The following ANGPTL2 variants were observed in gnomAD, a reference collection of about 807,000 sequenced individuals.
The protein encoded by ANGPTL2 is angiopoietin like 2, also known as angiopoietin-related protein 2.
In ANGPTL2, 25 loss-of-function variants were observed where a neutral mutation model predicts 52.8. That is an observed-to-expected ratio of 0.47 (90% CI 0.35 to 0.66). The LOEUF is 0.66. Ranked by LOEUF, ANGPTL2 falls within the 30% of genes least tolerant of loss-of-function variation. The pLI is 0.01. For synonymous variants in ANGPTL2, 276 were observed against 277.4 expected (o/e 1.00, Z 0.05); for missense variants, 546 against 656.9 (o/e 0.83, Z 1.84).
intron 2 of ANGPTL2, among the ~76,000 whole-genome samples, chr9:127,104,138 T>G (rs994454896): frequency 6.6e-6 from 1 of 152,180 alleles, no homozygotes; most frequent in Non-Finnish European, 1.5e-5. Context: ...TCTTCTTCAC[T>G]CATTGAGAAA....
intron 1 of ANGPTL2, among the ~76,000 whole-genome samples, chr9:127,121,842 C>T (rs535062395): frequency 6.6e-5 from 10 of 152,284 alleles, no homozygotes; most frequent in African/African-American, 1.2e-4. Context: ...GGGCTCCCAG[C>T]GCCTCAGCAC....
At position 127,108,529 on chromosome 9, in the gene ANGPTL2, G is replaced by A. The variant is rs371076756; in HGVS notation, c.203C>T (p.Ala68Val). 49 of 1,612,916 alleles carry A rather than the reference G, an allele frequency of 3.0e-5. No individual in the cohort carries two copies. The highest frequency in any genetic ancestry group is 4.0e-5 in the Non-Finnish European group (47 of 1,179,746). Residue 68 changes from alanine to valine, a missense_variant, in exon 2 of 5, where the codon GCC (alanine) becomes GTC (valine). Ala to Val is a moderately conservative substitution (Grantham distance 64, BLOSUM62 0). Transcript: ENST00000373425. ...FIVPQQRVTG[A>V]ICVNSKEPEV... Reference sequence around the variant, plus strand: ...AGGCTCCTTGGAGTTGACGCAGATGGCACCCGTGACCCGCTGCTGGGGCAC... The same window carrying A: ...AGGCTCCTTGGAGTTGACGCAGATGACACCCGTGACCCGCTGCTGGGGCAC...
In ANGPTL2 at chr9:127,108,142, A is replaced by T. The variant is rs2054416513; in HGVS notation, c.590T>A (p.Ile197Asn). The T allele has an allele frequency of 6.2e-7, 1 of 1,613,882 alleles. No homozygotes were observed. Among genetic ancestry groups the T allele is most frequent in the Non-Finnish European group, 8.5e-7 (1 of 1,179,976 alleles). Residue 197 changes from isoleucine to asparagine, a missense_variant, in exon 2 of 5, where the codon ATC becomes AAC. This residue lies in a region of ANGPTL2 where 285 missense variants were observed against 295.8 expected (regional missense o/e 0.96). Transcript: ENST00000373425. ...CTGGCAGTGCTCCTCAAGCTGCGCG[A>T]TGATCTCTGATTGGTTGTGGGCCAG... ...ATLAHNQSEI[I>N]AQLEEHCQRV...
At chr9:127,097,956 C>T (rs2053316648) in intron 2 of ANGPTL2, among the ~76,000 whole-genome samples, 1 of 152,172 alleles carries the variant, frequency 6.6e-6, no homozygotes, top group African/African-American at 2.4e-5. Context: ...ATGTCATGAA[C>T]CCAAGAGCGG....
chr9:127,120,162 A>G (rs769715654), intron 1 of ANGPTL2, among the ~76,000 whole-genome samples: 2 of 152,158 alleles, frequency 1.3e-5, no homozygotes, highest in African/African-American at 2.4e-5. Flanking sequence ...AAACCTGACT[A>G]TGGATCCTCC....
intron 2 of ANGPTL2, among the ~76,000 whole-genome samples, chr9:127,094,611 C>G (rs1004145936): frequency 6.6e-6 from 1 of 152,230 alleles, no homozygotes; most frequent in Non-Finnish European, 1.5e-5. Flanking sequence ...TCATTCACTG[C>G]TCTTCAAGTG....
intron 2 of ANGPTL2, among the ~76,000 whole-genome samples, chr9:127,102,063 G>A (rs1174312807): frequency 4.6e-5 from 7 of 152,074 alleles, no homozygotes; most frequent in Non-Finnish European, 5.9e-5. Context: ...GTGGTGATGC[G>A]GGGATAGTAG....
intron 1 of ANGPTL2, among the ~76,000 whole-genome samples, chr9:127,119,523 C>G (rs1173831115): frequency 6.6e-6 from 1 of 152,182 alleles, no homozygotes; most frequent in Admixed American, 6.5e-5. Context: ...TGACTTTGGG[C>G]AAGTTAACCT....
intron 1 of ANGPTL2, among the ~76,000 whole-genome samples, chr9:127,114,488 C>T (rs1296884152): frequency 6.6e-6 from 1 of 152,236 alleles, no homozygotes; most frequent in East Asian, 1.9e-4. Context: ...ACCCTCTAGG[C>T]AGGACGACGA....
At chr9:127,114,710 G>A (rs1382695490) in intron 1 of ANGPTL2, among the ~76,000 whole-genome samples, 3 of 152,242 alleles carry the variant, frequency 2.0e-5, no homozygotes, top group African/African-American at 7.2e-5. Context: ...GCCATAAGAG[G>A]CATCCCAGCA....
At chr9:127,111,589 AG>A (rs1298627503) in intron 1 of ANGPTL2, among the ~76,000 whole-genome samples, 1 of 152,222 alleles carries the variant, frequency 6.6e-6, no homozygotes, top group Non-Finnish European at 1.5e-5. Flanking sequence ...AGCTGCGCAG[AG>A]GAGGGCCTAT....
chr9:127,088,118 A>G lies in ANGPTL2; in HGVS notation c.*821T>C, dbSNP rs1379048448. The G allele has an allele frequency of 6.6e-6, 1 of 152,542 alleles. No homozygotes were observed. The highest frequency in any genetic ancestry group is 1.5e-5 in the Non-Finnish European group (1 of 68,066). 9.4% of individuals were successfully genotyped at this position (152,542 alleles called of 1,614,324 possible). A position where few individuals can be genotyped will look rare whatever the true frequency, so the allele number is the denominator to read the frequency against. Reference sequence around the variant, plus strand: ...TAGGCGAGGAGTACAGCAGAGCGGAAAGGGGGCCTTGAACTGCAGTGAGTG... The same window carrying G: ...TAGGCGAGGAGTACAGCAGAGCGGAGAGGGGGCCTTGAACTGCAGTGAGTG... On this transcript the variant is annotated 3_prime_UTR_variant, in exon 5 of 5. Coordinates refer to ENST00000373425, the MANE Select transcript of ANGPTL2 (RefSeq NM_012098.3).
At position 127,108,776 on chromosome 9, in the gene ANGPTL2, A is replaced by C; in HGVS notation, c.-45T>G. ...TTATTCTTTGTGAATAGAATCTATG[A>C]AAGCCTGAAAGTAAACAGAGGGGAG... On this transcript the variant is annotated 5_prime_UTR_variant, in exon 2 of 5. Coordinates refer to ENST00000373425, the MANE Select transcript of ANGPTL2 (RefSeq NM_012098.3). 6.5e-7 allele frequency: 1 copy of C among 1,544,092 alleles called. No individual in the cohort carries two copies. The highest frequency in any genetic ancestry group is 8.7e-7 in the Non-Finnish European group (1 of 1,143,148).
In ANGPTL2 at chr9:127,091,636, A is replaced by G; in HGVS notation, c.1282+34T>C. 1 of 1,601,120 alleles carries G rather than the reference A, an allele frequency of 6.2e-7. No individual in the cohort carries two copies. The highest frequency in any genetic ancestry group is 8.5e-7 in the Non-Finnish European group (1 of 1,172,660). ...TGGCTCTGGTTGACCTCTTTTCCCTACCCTGCACCTGGGTTTGACTCCACT... is the reference window on the plus strand; with the variant it reads ...TGGCTCTGGTTGACCTCTTTTCCCTGCCCTGCACCTGGGTTTGACTCCACT... On this transcript the variant is annotated intron_variant, in intron 4 of 4. Transcript: ENST00000373425. The surrounding 1 kb of genome is among the most constrained non-coding windows in gnomAD (Gnocchi z 4.3).
Position 127,088,865 on chromosome 9 carries a change from T to TC in ANGPTL2, c.*73dup. ...TCAGGATGAACTGGTGAGGAGTTGT[T>TC]CTTTGTGCTGTGGCCAGCGTGACCA... On this transcript the variant is annotated 3_prime_UTR_variant, in exon 5 of 5. Coordinates refer to ENST00000373425, the MANE Select transcript of ANGPTL2 (RefSeq NM_012098.3). 1 of 1,568,824 alleles carries TC rather than the reference T, an allele frequency of 6.4e-7. No individual in the cohort carries two copies. The highest frequency in any genetic ancestry group is 8.8e-7 in the Non-Finnish European group (1 of 1,141,406).
intron 2 of ANGPTL2, among the ~76,000 whole-genome samples, chr9:127,105,821 T>C (rs2054162805): frequency 6.6e-6 from 1 of 152,194 alleles, no homozygotes; most frequent in African/African-American, 2.4e-5. Context: ...TTTCTGGAGG[T>C]CAGGGACCAC....
At position 127,108,097 on chromosome 9, in the gene ANGPTL2, G is replaced by A. The variant is rs780760306; in HGVS notation, c.635C>T (p.Pro212Leu). 87 of 1,612,118 alleles carry A rather than the reference G, an allele frequency of 5.4e-5. No individual in the cohort carries two copies. The highest frequency in any genetic ancestry group is 7.1e-5 in the Non-Finnish European group (84 of 1,179,080). Reference protein sequence around the residue: ...EHCQRVPSARPVPQPPPAAPP... With the variant: ...EHCQRVPSARLVPQPPPAAPP... ...GGCAGCGGGGGGTGGCTGGGGGACG[G>A]GCCTGGCCGAGGGCACCCTCTGGCA... The change falls in exon 2 of 5, where the codon CCC becomes CTC. Residue 212 changes from proline to leucine, a missense_variant. Physicochemically the swap from Pro to Leu is moderately conservative, Grantham distance 98. Around this residue, in one of 2 missense-constraint regions of ANGPTL2, gnomAD observed 285 missense variants for 295.8 expected, o/e 0.96. Transcript: ENST00000373425.
intron 2 of ANGPTL2, among the ~76,000 whole-genome samples, chr9:127,099,025 G>A (rs540932113): frequency 1.3e-5 from 2 of 152,316 alleles, no homozygotes; most frequent in South Asian, 2.1e-4. Context: ...TGAGGCCTCC[G>A]TGGGCAAGAG....
chr9:127,110,994 A>AC (rs1162073402), intron 1 of ANGPTL2, among the ~76,000 whole-genome samples: 4 of 149,232 alleles, frequency 2.7e-5, no homozygotes, highest in Non-Finnish European at 5.9e-5. Flanking sequence ...TCTATTCAAA[A>AC]CCCCCCAGTG....
Sources: gnomAD v4.1 joint callset for allele counts (sites outside exome capture counted in the v4.1 genomes callset) on GRCh38, gnomAD v4.1.1 for gene constraint, gnomAD v4.1.1 regional missense constraint, Gnocchi (gnomAD v3.1) non-coding constraint, MANE v1.5 for transcripts, NCBI Gene and HGNC (gene_info 2026-07-23, HGNC 2026-07-21) for gene names.